The following MADD variants were observed in gnomAD, a reference collection of about 807,000 sequenced individuals.
The protein encoded by MADD is MAP kinase-activating death domain protein.
Under a neutral mutation model 176.7 loss-of-function variants are expected in MADD, and 109 were observed. That is an observed-to-expected ratio of 0.62 (90% CI 0.53 to 0.72). The LOEUF (loss-of-function observed/expected upper bound fraction) is 0.72. MADD is among the 30% of genes least tolerant of loss of function. The pLI is 0.00. For synonymous variants in MADD, 771 were observed against 771.3 expected, an observed-to-expected ratio of 1.00 and a Z score of 0.01; for missense variants, 1,914 against 2,045.5, an observed-to-expected ratio of 0.94 and a Z score of 1.24.
exon 29 of MADD, chr11:47,324,317 G>A (rs753960989): frequency 1.2e-5 from 20 of 1,614,196 alleles, no homozygotes; most frequent in Non-Finnish European, 1.7e-5. Context: ...GCTGCCGCCC[G>A]ACAGCAAAGC....
At chr11:47,275,306 C>G (rs1454884218) in intron 3 of MADD, 147 bp downstream of exon 3, 1 of 781,400 alleles carries the variant, frequency 1.3e-6, no homozygotes, top group African/African-American at 1.7e-5. Flanking sequence ...AATCTTTTTT[C>G]TTTTGGAGAC....
chr11:47,322,388 A>C (rs2094605629), intron 27 of MADD, among the ~76,000 whole-genome samples: 1 of 152,144 alleles, frequency 6.6e-6, no homozygotes, highest in Non-Finnish European at 1.5e-5. Context: ...CGGGCGGATC[A>C]TGAAGTCAGG....
chr11:47,290,256 C>CTT lies in MADD; in HGVS notation c.3053_3054dup (p.Gly1019LeufsTer27). 1 of 1,614,140 alleles carries CTT rather than the reference C, an allele frequency of 6.2e-7. No individual in the cohort carries two copies. Among genetic ancestry groups the CTT allele is most frequent in the Non-Finnish European group, 8.5e-7 (1 of 1,180,026 alleles). The stretch of plus-strand genomic sequence containing the variant: ...CGGGTCTGGGTGGCATGGCCAGCAT[C>CTT]TTTGGGCTTTTGGAGATTGCCCAGA... On this transcript the variant is annotated frameshift_variant, in exon 18 of 33. Transcript: ENST00000402192. LOFTEE classifies it high-confidence loss of function.
chr11:47,299,585 CTTTTTTTTTT>C (rs1185948034), intron 22 of MADD, among the ~76,000 whole-genome samples: 1,650 of 41,390 alleles, frequency 0.04, 30 homozygotes, highest in Non-Finnish European at 0.058. Context: ...GATTTTAGGG[CTTTTTTTTTT>C]TTTTTTTTTT....
At chr11:47,309,977 G>T (rs184656204) in intron 25 of MADD, among the ~76,000 whole-genome samples, 1 of 151,590 alleles carries the variant, frequency 6.6e-6, no homozygotes, top group African/African-American at 2.4e-5. Context: ...AAGTAGCTGC[G>T]ATTACAGGCG....
intron 4 of MADD, 32 bp from the exon 5 acceptor site, chr11:47,276,700 T>G (rs774616828): frequency 2.5e-6 from 4 of 1,608,704 alleles, no homozygotes; most frequent in African/African-American, 1.3e-5. Context: ...TTTTATGTTT[T>G]GGAGTGATTC....
Position 47,295,386 on chromosome 11 carries a change from G to T in MADD, c.3403-110G>T, listed in dbSNP as rs941542151. The T allele has an allele frequency of 1.1e-5, 9 of 827,218 alleles. No individual in the cohort carries two copies. In the African/African-American group the frequency reaches 1.2e-4, roughly 11 times the overall value. The allele number at this position is 827,218 out of a possible 1,614,324, so 51.2% of individuals were successfully genotyped here. ...CAAAAGTTGCTCGTGACTTCTCTAA[G>T]GATGATAACAGAAGGGTGGGGATGA... On this transcript the variant is annotated intron_variant, in intron 20 of 32. Transcript: ENST00000402192.
rs752786660 is a variant in MADD at position 47,274,610 on chromosome 11, G to A, written c.110G>A (p.Arg37Gln). The change falls in exon 3 of 33, where the codon CGA becomes CAA. Residue 37 changes from arginine to glutamine, a missense_variant. Arg to Gln is a conservative substitution (Grantham distance 43). This residue lies in a region of MADD where 1,767 missense variants were observed against 1,836.0 expected (regional missense o/e 0.96). Transcript: ENST00000402192. Reference sequence around the variant, plus strand: ...GCCCAGACTCCTGAATTGCTACGGCGATACCCCTTGGAGGATCACACTGAG... The same window carrying A: ...GCCCAGACTCCTGAATTGCTACGGCAATACCCCTTGGAGGATCACACTGAG... 8.1e-6 allele frequency: 13 copies of A among 1,614,014 alleles called. No homozygotes were observed. In the Admixed American group the frequency reaches 1.3e-4, roughly 17 times the overall value.
At position 47,311,838 on chromosome 11, in the gene MADD, AC is replaced by A; in HGVS notation, c.4087del (p.Leu1363Ter). The A allele has an allele frequency of 6.2e-7, 1 of 1,611,036 alleles. No homozygotes were observed. Among genetic ancestry groups the A allele is most frequent in the Non-Finnish European group, 8.5e-7 (1 of 1,177,682 alleles). On this transcript the variant is annotated frameshift_variant, in exon 26 of 33. Transcript: ENST00000402192. LOFTEE classifies it high-confidence loss of function. ...AATGAGGTGCTTGATCAGCTGGCGAACCTGGTAAGCACGTCTGGCCACCCCT... is the reference window on the plus strand; with the variant it reads ...AATGAGGTGCTTGATCAGCTGGCGAACTGGTAAGCACGTCTGGCCACCCCT...
At chr11:47,290,936 G>T (rs2064618896) in intron 19 of MADD, 120 bp downstream of exon 20, 1 of 779,240 alleles carries the variant, frequency 1.3e-6, no homozygotes, top group East Asian at 2.7e-5. Context: ...AGAGAGGGAA[G>T]GGGGCCTGTG....
exon 16 of MADD, chr11:47,289,478 G>A (rs150357863): frequency 2.5e-6 from 4 of 1,614,090 alleles, no homozygotes; most frequent in South Asian, 1.1e-5. Context: ...CCCCAGGGTC[G>A]ATCCAGCAAT....
At chr11:47,284,612 G>A in intron 12 of MADD, 47 bp downstream of exon 12, 1 of 1,588,234 alleles carries the variant, frequency 6.3e-7, no homozygotes, top group Non-Finnish European at 8.6e-7. Flanking sequence ...CTGGGATGTG[G>A]GCCTCATCTA....
At chr11:47,287,665 C>G (rs2061676396) in intron 15 of MADD, among the ~76,000 whole-genome samples, 1 of 152,110 alleles carries the variant, frequency 6.6e-6, no homozygotes, top group African/African-American at 2.4e-5. Flanking sequence ...CCACCTTGGC[C>G]TCCCAAAGTG....
chr11:47,322,806 A>G (rs1390685004), intron 27 of MADD, among the ~76,000 whole-genome samples: 1 of 152,240 alleles, frequency 6.6e-6, no homozygotes, highest in Non-Finnish European at 1.5e-5. Context: ...AAAGTGCATC[A>G]GCTCCATTTT....
chr11:47,300,391 G>A (rs2076737025), intron 22 of MADD, among the ~76,000 whole-genome samples: 1 of 151,568 alleles, frequency 6.6e-6, no homozygotes, highest in Non-Finnish European at 1.5e-5. Context: ...ATTTTCAGTA[G>A]AGACAGGGTT....
Position 47,276,942 on chromosome 11 carries a change from G to A in MADD, c.1095+79G>A, listed in dbSNP as rs955025436. 8 of 1,506,262 alleles carry A rather than the reference G, an allele frequency of 5.3e-6. No individual in the cohort carries two copies. The Admixed American group carries it at 1.1e-4, about 20-fold the overall frequency. The allele number at this position is 1,506,262 out of a possible 1,614,324, so 93.3% of individuals were successfully genotyped here. On this transcript the variant is annotated intron_variant, in intron 5 of 32. Transcript: ENST00000402192. ...GGCTTAATGCTCAAAGAAGTTGTAA[G>A]TGAGTGCTGGTCCTCAATCCTTTGT...
intron 27 of MADD, among the ~76,000 whole-genome samples, chr11:47,322,423 C>T (rs57485281): frequency 0.013 from 1,968 of 152,094 alleles, 50 homozygotes; most frequent in African/African-American, 0.045. Flanking sequence ...CTTGCTAACA[C>T]GGTGAAACCC....
intron 32 of MADD, 55 bp downstream of exon 36, chr11:47,328,759 C>T: frequency 6.2e-7 from 1 of 1,610,036 alleles, no homozygotes. Flanking sequence ...CCCTGGGGGA[C>T]CTTCGGACAG....
At chr11:47,281,243 T>TA (rs1443555630) in intron 7 of MADD, among the ~76,000 whole-genome samples, 1 of 152,214 alleles carries the variant, frequency 6.6e-6, no homozygotes, top group Non-Finnish European at 1.5e-5. Flanking sequence ...ATTCCAATTT[T>TA]AAAAAACATT....
Sources: gnomAD v4.1 joint callset for allele counts (sites outside exome capture counted in the v4.1 genomes callset) on GRCh38, gnomAD v4.1.1 for gene constraint, gnomAD v4.1.1 regional missense constraint, MANE v1.5 for transcripts, NCBI Gene and HGNC (gene_info 2026-07-23, HGNC 2026-07-21) for gene names.